Variants in PLXDC2 observed in about 807,000 individuals in gnomAD.
PLXDC2 encodes the protein plexin domain-containing protein 2.
Under a neutral mutation model 68.9 loss-of-function variants are expected in PLXDC2, and 40 were observed. The ratio of observed to expected loss-of-function variants is 0.58; its 90% CI spans 0.45 to 0.76. The LOEUF is 0.76. Among genes scored for constraint, PLXDC2 ranks in the 30% least tolerant of loss-of-function variants. The pLI, the probability that PLXDC2 is intolerant of heterozygous loss-of-function variation, is 0.00. For missense variants in PLXDC2, 644 were observed against 661.9 expected (o/e 0.97, Z 0.30); for synonymous variants, 243 against 234.2 (o/e 1.04, Z -0.34).
At chr10:20,196,268 C>A (rs2131843675) in intron 9 of PLXDC2, among the ~76,000 whole-genome samples, 1 of 152,212 alleles carries the variant, frequency 6.6e-6, no homozygotes, top group Non-Finnish European at 1.5e-5. Context: ...ATTTTCCCTC[C>A]CTGTTTTATA....
chr10:20,262,042 A>G (rs1835814536), intron 13 of PLXDC2, among the ~76,000 whole-genome samples: 1 of 152,186 alleles, frequency 6.6e-6, no homozygotes, highest in Admixed American at 6.5e-5. Flanking sequence ...TGAAACATCC[A>G]GGTCCTCTCA....
chr10:20,229,736 T>A (rs1353286734), intron 12 of PLXDC2, among the ~76,000 whole-genome samples: 3 of 152,174 alleles, frequency 2.0e-5, no homozygotes, highest in Non-Finnish European at 4.4e-5. Flanking sequence ...GAATTATTAT[T>A]TGTGCAAGAT....
At chr10:19,994,204 A>C (rs2131631243) in intron 1 of PLXDC2, among the ~76,000 whole-genome samples, 1 of 148,862 alleles carries the variant, frequency 6.7e-6, no homozygotes, top group East Asian at 2.0e-4. Flanking sequence ...TTTGGGGTTA[A>C]GATCATCTTG....
intron 4 of PLXDC2, among the ~76,000 whole-genome samples, chr10:20,080,555 A>G: frequency 6.6e-6 from 1 of 152,154 alleles, no homozygotes; most frequent in East Asian, 1.9e-4. Flanking sequence ...CCAGCATTGG[A>G]GAAAGATGAA....
chr10:20,175,779 C>A (rs930304006), intron 7 of PLXDC2, among the ~76,000 whole-genome samples: 1 of 152,238 alleles, frequency 6.6e-6, no homozygotes, highest in Non-Finnish European at 1.5e-5. Context: ...CTGCATTGAG[C>A]CATGATTGCA....
At chr10:20,126,284 C>T (rs925939090) in intron 4 of PLXDC2, among the ~76,000 whole-genome samples, 3 of 145,692 alleles carry the variant, frequency 2.1e-5, no homozygotes, top group East Asian at 4.0e-4. Flanking sequence ...TATACATATA[C>T]GTTATATAAT....
intron 9 of PLXDC2, among the ~76,000 whole-genome samples, chr10:20,210,386 ACCT>A (rs1293132535): frequency 6.6e-6 from 1 of 151,840 alleles, no homozygotes; most frequent in African/African-American, 2.4e-5. Context: ...GATAACTGAA[ACCT>A]CCTAAAAGGA....
intron 3 of PLXDC2, among the ~76,000 whole-genome samples, chr10:20,050,929 A>C (rs563586837): frequency 6.6e-6 from 1 of 152,070 alleles, no homozygotes; most frequent in Admixed American, 6.6e-5. Flanking sequence ...AAAGATACAC[A>C]CATGTGAATG....
intron 1 of PLXDC2, among the ~76,000 whole-genome samples, chr10:19,908,520 A>G (rs939573233): frequency 1.3e-5 from 2 of 152,196 alleles, no homozygotes; most frequent in Non-Finnish European, 2.9e-5. Flanking sequence ...TTCTTCTAAC[A>G]TAGGAGTTGA....
intron 1 of PLXDC2, among the ~76,000 whole-genome samples, chr10:19,884,021 A>G (rs1837792383): frequency 6.8e-6 from 1 of 146,268 alleles, no homozygotes. Flanking sequence ...GCCTCCATGT[A>G]GCCAGGGCTA....
Position 20,211,650 on chromosome 10 carries a change from A to G in PLXDC2, c.1062-19A>G, listed in dbSNP as rs1463597400. On this transcript the variant is annotated intron_variant, in intron 9 of 13. Transcript: ENST00000377252. ...CCCTATCCTTCCTTTTCTGAACTGC[A>G]TTGTGGTCTTCTTTGAAGATGTTCC... 1.2e-6 allele frequency: 2 copies of G among 1,612,350 alleles called. No homozygotes were observed. Among genetic ancestry groups the G allele is most frequent in the African/African-American group, 1.3e-5 (1 of 74,824 alleles).
At chr10:20,236,167 C>G (rs887774493) in intron 12 of PLXDC2, among the ~76,000 whole-genome samples, 1 of 152,070 alleles carries the variant, frequency 6.6e-6, no homozygotes, top group African/African-American at 2.4e-5. Flanking sequence ...TCTGGCTGAG[C>G]TCAGCGACTC....
rs145907212 is a variant in PLXDC2 at position 19,858,412 on chromosome 10, G to T, written c.112+41221G>T. Among the ~76,000 whole-genome samples, 33 of 152,260 alleles carry T rather than the reference G, an allele frequency of 2.2e-4. No homozygotes were observed. In the East Asian group the frequency reaches 5.2e-3, roughly 24 times the overall value. On this transcript the variant is annotated intron_variant, in intron 1 of 13. Coordinates refer to ENST00000377252, the MANE Select transcript of PLXDC2 (RefSeq NM_032812.9). ...AAGTAGTGTTCAACGAATACTTGTT[G>T]AATAAATGAAGGGAAGAATTCTTGA...
intron 10 of PLXDC2, among the ~76,000 whole-genome samples, chr10:20,215,168 C>G (rs1328578451): frequency 6.6e-6 from 1 of 151,978 alleles, no homozygotes; most frequent in Non-Finnish European, 1.5e-5. Flanking sequence ...AGGGAGGTGT[C>G]AGAACATTGA....
chr10:19,890,467 G>A (rs1417173954), intron 1 of PLXDC2, among the ~76,000 whole-genome samples: 1 of 150,022 alleles, frequency 6.7e-6, no homozygotes, highest in African/African-American at 2.5e-5. Context: ...AGTTCCTGAT[G>A]TTTAGCTCCT....
intron 4 of PLXDC2, among the ~76,000 whole-genome samples, chr10:20,111,364 C>T (rs1206368713): frequency 1.3e-5 from 2 of 152,280 alleles, no homozygotes; most frequent in South Asian, 4.2e-4. Flanking sequence ...TTATTTTACA[C>T]ACACCAGCAA....
intron 4 of PLXDC2, among the ~76,000 whole-genome samples, chr10:20,132,611 T>C (rs1833882102): frequency 6.6e-6 from 1 of 152,164 alleles, no homozygotes; most frequent in South Asian, 2.1e-4. Flanking sequence ...TGGCAGTTTT[T>C]GATTTAACAT....
Position 20,176,682 on chromosome 10 carries a change from A to G in PLXDC2, c.884-317A>G, listed in dbSNP as rs563948065. Among the ~76,000 whole-genome samples, 7 of 152,236 alleles carry G rather than the reference A, an allele frequency of 4.6e-5. No homozygotes were observed. In the South Asian group the frequency reaches 1.5e-3, roughly 32 times the overall value. On this transcript the variant is annotated intron_variant, in intron 7 of 13. Transcript: ENST00000377252. ...ATCATCTTACCTTCTTGATTTCATG[A>G]GTCAAAATCTTTGAAAATATGTAAA...
intron 2 of PLXDC2, among the ~76,000 whole-genome samples, chr10:20,044,122 T>TCCTTCCTCCCTCCCTTCCTCCCTC (rs71388894): frequency 1.0e-5 from 1 of 99,738 alleles, no homozygotes; most frequent in African/African-American, 4.1e-5. Context: ...CTTCCTTCCT[T>TCCTTCCTCCCTCCCTTCCTCCCTC]CCTCCCTCCC....
Sources: gnomAD v4.1 joint callset for allele counts (sites outside exome capture counted in the v4.1 genomes callset) on GRCh38, gnomAD v4.1.1 for gene constraint, MANE v1.5 for transcripts, NCBI Gene and HGNC (gene_info 2026-07-23, HGNC 2026-07-21) for gene names.